FAM120A: variants seen among roughly 807,000 people sequenced by gnomAD.
FAM120A encodes family with sequence similarity 120 member A.
A neutral mutation model predicts 109.7 loss-of-function variants in FAM120A; 15 were observed. The ratio of observed to expected loss-of-function variants is 0.14; its 90% CI spans 0.09 to 0.21. FAM120A has a LOEUF of 0.21. FAM120A is among the 10% of genes least tolerant of loss of function. The probability of loss-of-function intolerance (pLI) is 1.00; values close to 1 mark genes in which losing one functional copy is unlikely to be tolerated. For synonymous variants in FAM120A, 493 were observed against 572.8 expected (o/e 0.86, Z 1.99); for missense variants, 899 against 1,439.3 (o/e 0.62, Z 6.07).
intron 1 of FAM120A, among the ~76,000 whole-genome samples, chr9:93,456,593 A>G (rs1055875243): frequency 3.3e-5 from 5 of 152,194 alleles, no homozygotes; most frequent in Non-Finnish European, 7.4e-5. Context: ...ATTCCATCTC[A>G]TTTAATCCTC....
intron 7 of FAM120A, among the ~76,000 whole-genome samples, chr9:93,518,565 G>C (rs1417302441): frequency 6.6e-6 from 1 of 152,238 alleles, no homozygotes; most frequent in African/African-American, 2.4e-5. Flanking sequence ...CCAGTGAACA[G>C]GGCAGAGGAC....
intron 9 of FAM120A, chr9:93,531,237 G>A (rs1422380846): frequency 6.6e-6 from 1 of 152,136 alleles, no homozygotes; most frequent in African/African-American, 2.4e-5. Flanking sequence ...ATGAAAGTAT[G>A]GAGGGTAAGG....
intron 8 of FAM120A, among the ~76,000 whole-genome samples, chr9:93,527,837 A>G (rs1861155721): frequency 6.6e-6 from 1 of 151,836 alleles, no homozygotes; most frequent in Non-Finnish European, 1.5e-5. Context: ...TGGCCAGGCT[A>G]GTCTCGAACC....
chr9:93,545,905 C>A (rs928919880), intron 11 of FAM120A, among the ~76,000 whole-genome samples: 2 of 149,870 alleles, frequency 1.3e-5, no homozygotes, highest in African/African-American at 4.9e-5. Flanking sequence ...CCTGCCTCAG[C>A]CTCCCAAGTA....
At chr9:93,560,757 A>G (rs1465952401) in intron 15 of FAM120A, among the ~76,000 whole-genome samples, 5 of 152,260 alleles carry the variant, frequency 3.3e-5, no homozygotes, top group Non-Finnish European at 4.4e-5. Context: ...TAAACCTAGA[A>G]GTATTCGCCT....
intron 1 of FAM120A, among the ~76,000 whole-genome samples, chr9:93,463,358 C>A (rs1857878084): frequency 6.6e-6 from 1 of 152,086 alleles, no homozygotes; most frequent in Admixed American, 6.6e-5. Flanking sequence ...GTACCCAATT[C>A]TCATTTATTC....
chr9:93,554,294 C>T (rs759899564), intron 12 of FAM120A, among the ~76,000 whole-genome samples: 3 of 152,134 alleles, frequency 2.0e-5, no homozygotes, highest in Middle Eastern at 3.4e-3. Context: ...TGCAGATAGC[C>T]GTTTGCCGGG....
At chr9:93,548,103 A>T (rs1197056028) in intron 11 of FAM120A, among the ~76,000 whole-genome samples, 6 of 148,578 alleles carry the variant, frequency 4.0e-5, no homozygotes, top group Non-Finnish European at 6.0e-5. Flanking sequence ...TTTTCTGATT[A>T]AAAAAAAAAA....
chr9:93,503,349 G>A (rs868630998), intron 5 of FAM120A, among the ~76,000 whole-genome samples: 5 of 152,126 alleles, frequency 3.3e-5, no homozygotes, highest in Middle Eastern at 3.2e-3. Context: ...TCTTCAGTAG[G>A]TCAACAGGGA....
chr9:93,559,784 T>G (rs908984453), intron 15 of FAM120A, among the ~76,000 whole-genome samples: 1 of 152,190 alleles, frequency 6.6e-6, no homozygotes, highest in African/African-American at 2.4e-5. Flanking sequence ...GTACTATGGA[T>G]AGTGTAGGGC....
At position 93,452,155 on chromosome 9, in the gene FAM120A, G is replaced by A. The variant is rs148053137; in HGVS notation, c.240G>A (p.Ala80=). Residue 80 remains alanine (A), a synonymous_variant, in exon 1 of 18, where the codon GCG becomes GCA. Coordinates refer to ENST00000277165, the MANE Select transcript of FAM120A (RefSeq NM_014612.5). This position sits in a 1 kb window ranked among gnomAD's most constrained non-coding sequence, Gnocchi z 7.0. ...QWNHMLGYLA[A]LAKACFGGNI... The stretch of plus-strand genomic sequence containing the variant: ...ACCACATGCTTGGCTACCTGGCGGC[G>A]CTGGCCAAGGCCTGCTTCGGCGGCA... 4.5e-5 allele frequency: 73 copies of A among 1,611,770 alleles called. No individual in the cohort carries two copies. The African/African-American group carries it at 8.1e-4, about 18-fold the overall frequency.
chr9:93,512,192 A>C (rs1228436148), intron 5 of FAM120A, among the ~76,000 whole-genome samples: 1 of 152,198 alleles, frequency 6.6e-6, no homozygotes, highest in Non-Finnish European at 1.5e-5. Flanking sequence ...ATAGAGGAAC[A>C]TTTGTTAGGT....
intron 3 of FAM120A, among the ~76,000 whole-genome samples, chr9:93,489,021 A>C (rs1859196440): frequency 6.6e-6 from 1 of 152,002 alleles, no homozygotes; most frequent in South Asian, 2.1e-4. Context: ...AAAAAAAAAA[A>C]AAAGTTGGAA....
intron 7 of FAM120A, 71 bp downstream of exon 7, chr9:93,516,340 C>A (rs1247808345): frequency 6.9e-6 from 11 of 1,583,882 alleles, no homozygotes; most frequent in Non-Finnish European, 9.5e-6. Context: ...TCTGGCCTGC[C>A]AGCCCAGCTG....
At chr9:93,474,760 AT>A (rs1169186522) in intron 2 of FAM120A, among the ~76,000 whole-genome samples, 7 of 151,958 alleles carry the variant, frequency 4.6e-5, no homozygotes, top group Admixed American at 4.6e-4. Context: ...CTCCCTGCTA[AT>A]TTTTTGTATT....
In FAM120A at chr9:93,452,794, A is replaced by G. The variant is rs1311150033; in HGVS notation, c.474+405A>G. The stretch of plus-strand genomic sequence containing the variant: ...TAATTTAGCCTGTTCTTTCCCAGCA[A>G]CAGGTTCATCTTGGAAGCAGGCAGG... On this transcript the variant is annotated intron_variant, in intron 1 of 17. Transcript: ENST00000277165. This position sits in a 1 kb window ranked among gnomAD's most constrained non-coding sequence, Gnocchi z 7.0. The G allele has an allele frequency of 5.0e-6, 8 of 1,590,976 alleles. No individual in the cohort carries two copies. The highest frequency in any genetic ancestry group is 3.4e-5 in the Admixed American group (2 of 58,292).
At chr9:93,453,950 T>G (rs1343932805) in intron 1 of FAM120A, among the ~76,000 whole-genome samples, 1 of 152,248 alleles carries the variant, frequency 6.6e-6, no homozygotes, top group East Asian at 1.9e-4. Context: ...CAAGCGACTT[T>G]CAAGGGAACA....
At chr9:93,474,330 GGT>G (rs1165817068) in intron 2 of FAM120A, among the ~76,000 whole-genome samples, 1 of 151,980 alleles carries the variant, frequency 6.6e-6, no homozygotes, top group Non-Finnish European at 1.5e-5. Flanking sequence ...TGGGATTACA[GGT>G]GTGTGCCACC....
intron 12 of FAM120A, among the ~76,000 whole-genome samples, chr9:93,553,421 G>C (rs566463360): frequency 2.6e-5 from 4 of 152,218 alleles, no homozygotes; most frequent in Non-Finnish European, 4.4e-5. Flanking sequence ...TCTGTGATAC[G>C]TGTAAGAATT....
Sources: gnomAD v4.1 joint callset for allele counts (sites outside exome capture counted in the v4.1 genomes callset) on GRCh38, gnomAD v4.1.1 for gene constraint, Gnocchi (gnomAD v3.1) non-coding constraint, MANE v1.5 for transcripts, NCBI Gene and HGNC (gene_info 2026-07-23, HGNC 2026-07-21) for gene names.